The following FGF14 variants were observed in gnomAD, a reference collection of about 807,000 sequenced individuals.
FGF14 encodes fibroblast growth factor 14.
FGF14 carries 5 observed loss-of-function variants against 25.5 expected under a neutral mutation model. The observed-to-expected ratio is 0.20, with a 90% CI of 0.10 to 0.41. The LOEUF is 0.41. FGF14 is among the 10% of genes least tolerant of loss of function. FGF14 has a pLI of 1.00. For synonymous variants in FGF14, 138 were observed against 118.3 expected (o/e 1.17, Z -1.08); for missense variants, 222 against 320.1 (o/e 0.69, Z 2.34).
chr13:102,196,106 T>G (rs2049339101), intron 1 of FGF14, among the ~76,000 whole-genome samples: 1 of 152,208 alleles, frequency 6.6e-6, no homozygotes, highest in African/African-American at 2.4e-5. Context: ...TCAAAAAGTT[T>G]ATAGGATTGG....
chr13:101,840,974 T>C (rs2043166575), intron 3 of FGF14, among the ~76,000 whole-genome samples: 1 of 151,924 alleles, frequency 6.6e-6, no homozygotes, highest in African/African-American at 2.4e-5. Flanking sequence ...TGTGGGAAAT[T>C]TACAATCTCA....
intron 1 of FGF14, among the ~76,000 whole-genome samples, chr13:101,953,171 G>A (rs1355852468): frequency 2.0e-5 from 3 of 152,194 alleles, no homozygotes; most frequent in African/African-American, 7.2e-5. Flanking sequence ...ATTTTGAGAA[G>A]TTTGTCAACA....
In FGF14 at chr13:102,237,817, A is replaced by G. The variant is rs1243146791; in HGVS notation, c.208+163654T>C. On this transcript the variant is annotated intron_variant, in intron 1 of 4. Coordinates refer to the FGF14 transcript ENST00000376131. Reference sequence around the variant, plus strand: ...AAATGACAAATCTAAAACATCTTTTAAAAGTGAGGTGTTGATTTCAATAAA... The same window carrying G: ...AAATGACAAATCTAAAACATCTTTTGAAAGTGAGGTGTTGATTTCAATAAA... 2.6e-5 allele frequency among the ~76,000 whole-genome samples: 4 copies of G among 152,342 alleles called. No individual in the cohort carries two copies. The East Asian group carries it at 7.7e-4, about 29-fold the overall frequency.
chr13:102,336,226 G>T (rs1262947293), intron 1 of FGF14, among the ~76,000 whole-genome samples: 1 of 152,184 alleles, frequency 6.6e-6, no homozygotes, highest in African/African-American at 2.4e-5. Context: ...TGAAGGAAAA[G>T]TTCTTAAAGG....
At chr13:101,838,487 T>G (rs2043036949) in intron 3 of FGF14, among the ~76,000 whole-genome samples, 1 of 152,036 alleles carries the variant, frequency 6.6e-6, no homozygotes, top group Non-Finnish European at 1.5e-5. Flanking sequence ...AATATTAAAA[T>G]TTATATTTGA....
chr13:102,360,377 G>C (rs961021693), intron 1 of FGF14, among the ~76,000 whole-genome samples: 3 of 152,104 alleles, frequency 2.0e-5, no homozygotes, highest in Non-Finnish European at 4.4e-5. Flanking sequence ...TCTGCTCAAA[G>C]GTAAATAAAC....
At chr13:102,234,999 T>C (rs75406298) in intron 1 of FGF14, among the ~76,000 whole-genome samples, 2,264 of 152,308 alleles carry the variant, frequency 0.015, 59 homozygotes, top group African/African-American at 0.051. Flanking sequence ...CCACATAGAA[T>C]ACAGTATCTG....
intron 1 of FGF14, among the ~76,000 whole-genome samples, chr13:102,324,093 G>T (rs2056342088): frequency 6.6e-6 from 1 of 151,590 alleles, no homozygotes; most frequent in African/African-American, 2.4e-5. Flanking sequence ...ATGGGAAAAA[G>T]AAAGCTATGA....
At chr13:102,029,358 AT>A (rs1392294735) in intron 1 of FGF14, among the ~76,000 whole-genome samples, 1 of 152,094 alleles carries the variant, frequency 6.6e-6, no homozygotes, top group Non-Finnish European at 1.5e-5. Flanking sequence ...AGATCCCCAT[AT>A]TTATAAACTG....
chr13:101,931,806 G>A lies in FGF14; in HGVS notation c.209-56510C>T, dbSNP rs372363374. 1.2e-4 allele frequency among the ~76,000 whole-genome samples: 19 copies of A among 152,250 alleles called. No individual in the cohort carries two copies. In the East Asian group the frequency reaches 3.1e-3, roughly 25 times the overall value. ...ACCTCGCAAAGCACCTGAAGAACGC[G>A]ATTGACCCATTTTAAACTTCCTACA... On this transcript the variant is annotated intron_variant, in intron 1 of 4. Coordinates refer to the FGF14 transcript ENST00000376131.
intron 1 of FGF14, among the ~76,000 whole-genome samples, chr13:102,085,990 G>A (rs2043876787): frequency 1.3e-5 from 2 of 152,104 alleles, no homozygotes; most frequent in South Asian, 4.1e-4. Context: ...AAAAATAAAT[G>A]GCTATTTAGC....
At chr13:101,843,215 C>G (rs983836060) in intron 3 of FGF14, among the ~76,000 whole-genome samples, 2 of 152,060 alleles carry the variant, frequency 1.3e-5, no homozygotes, top group African/African-American at 4.8e-5. Context: ...ACACAGGTAA[C>G]AGATCTAGTT....
At chr13:102,094,310 T>G (rs999190266) in intron 1 of FGF14, among the ~76,000 whole-genome samples, 9 of 152,208 alleles carry the variant, frequency 5.9e-5, no homozygotes, top group Non-Finnish European at 1.3e-4. Flanking sequence ...GCTGAAGAAC[T>G]TAATACCAGC....
At chr13:101,930,448 C>G (rs1332016948) in intron 1 of FGF14, among the ~76,000 whole-genome samples, 1 of 152,156 alleles carries the variant, frequency 6.6e-6, no homozygotes, top group Non-Finnish European at 1.5e-5. Context: ...AGTGTTAATA[C>G]TGTATTGATA....
intron 1 of FGF14, among the ~76,000 whole-genome samples, chr13:101,980,717 C>T (rs546829646): frequency 8.5e-5 from 13 of 152,270 alleles, no homozygotes; most frequent in African/African-American, 3.1e-4. Flanking sequence ...GGAGGGTTAA[C>T]ACATTAAAGC....
chr13:101,985,057 A>T (rs1187292916), intron 1 of FGF14, among the ~76,000 whole-genome samples: 1 of 148,030 alleles, frequency 6.8e-6, no homozygotes, highest in East Asian at 2.0e-4. Context: ...AGACCTGGCC[A>T]TGAATTCAAG....
chr13:101,907,954 T>C (rs1471571898), intron 1 of FGF14, among the ~76,000 whole-genome samples: 3 of 151,996 alleles, frequency 2.0e-5, no homozygotes, highest in Non-Finnish European at 2.9e-5. Context: ...GAGGAGTAAA[T>C]GGATAGATCT....
intron 3 of FGF14, among the ~76,000 whole-genome samples, chr13:101,866,133 C>G (rs1156952079): frequency 6.6e-6 from 1 of 151,926 alleles, no homozygotes. Flanking sequence ...GACAAATTTT[C>G]TATTATTTTA....
chr13:102,340,006 G>A (rs2056901616), intron 1 of FGF14, among the ~76,000 whole-genome samples: 1 of 152,190 alleles, frequency 6.6e-6, no homozygotes, highest in African/African-American at 2.4e-5. Flanking sequence ...TAAGAAAGGA[G>A]CCTACTAGTG....
Sources: allele counts gnomAD v4.1 joint callset (sites outside exome capture counted in the v4.1 genomes callset), GRCh38; gene constraint gnomAD v4.1.1; transcripts MANE v1.5; gene names NCBI Gene and HGNC (gene_info 2026-07-23, HGNC 2026-07-21).